Variants in TRMT6 observed in about 807,000 individuals in gnomAD.
TRMT6 encodes tRNA (adenine(58)-N(1))-methyltransferase non-catalytic subunit TRM6.
TRMT6 carries 34 observed loss-of-function variants against 59.0 expected under a neutral mutation model. The observed-to-expected ratio is 0.58, with a 90% CI of 0.44 to 0.77. TRMT6 has a LOEUF of 0.77. Among genes scored for constraint, TRMT6 ranks in the 30% least tolerant of loss-of-function variants. The pLI, the probability that TRMT6 is intolerant of heterozygous loss-of-function variation, is 0.00. For synonymous variants in TRMT6, 217 were observed against 210.5 expected, an observed-to-expected ratio of 1.03 and a Z score of -0.27; for missense variants, 575 against 604.5, an observed-to-expected ratio of 0.95 and a Z score of 0.51.
At chr20:5,945,471 C>A (rs949246464) in intron 2 of TRMT6, among the ~76,000 whole-genome samples, 1 of 152,228 alleles carries the variant, frequency 6.6e-6, no homozygotes, top group Admixed American at 6.5e-5. Context: ...AATTAGTACA[C>A]GCCCCTGCTT....
chr20:5,941,791 T>C (rs1418918577), intron 8 of TRMT6, 160 bp downstream of exon 8: 1 of 667,918 alleles, frequency 1.5e-6, no homozygotes, highest in Non-Finnish European at 2.6e-6. Context: ...TCCCCACCCC[T>C]GCCAGCCTCA....
intron 8 of TRMT6, chr20:5,941,662 C>T: frequency 1.8e-6 from 1 of 546,186 alleles, no homozygotes; most frequent in Non-Finnish European, 3.2e-6. Context: ...CTGTTATAGC[C>T]TGTATCGCAG....
chr20:5,943,778 T>A, intron 5 of TRMT6, 95 bp from the exon 6 acceptor site: 1 of 1,548,700 alleles, frequency 6.5e-7, no homozygotes, highest in Non-Finnish European at 8.7e-7. Context: ...ATTAAAATTG[T>A]GTTGATAAGA....
intron 1 of TRMT6, among the ~76,000 whole-genome samples, chr20:5,948,827 G>A (rs1469383575): frequency 1.3e-5 from 2 of 152,152 alleles, no homozygotes; most frequent in African/African-American, 2.4e-5. Flanking sequence ...TGTGCAAAAA[G>A]CTTGGTTATC....
chr20:5,950,371 G>A lies in TRMT6; in HGVS notation c.35C>T (p.Pro12Leu). The change falls in exon 1 of 11, where the codon CCA (proline) becomes CTA (leucine). Residue 12 changes from proline (P) to leucine (L), a missense_variant. By Grantham distance (98) the Pro-to-Leu change is moderately conservative (BLOSUM62 -3). Coordinates refer to ENST00000203001, the MANE Select transcript of TRMT6 (RefSeq NM_015939.5). ...GATGCGGTGGTCTCCGGGATGCTGT[G>A]GTTGTGGGCCCGGCTGCTCCCCTGA... ...EGSGEQPGPQPQHPGDHRIRD... is the reference protein window; with the variant it reads ...EGSGEQPGPQLQHPGDHRIRD... 8 of 1,609,088 alleles carry A rather than the reference G, an allele frequency of 5.0e-6. No homozygotes were observed. The highest frequency in any genetic ancestry group is 5.9e-6 in the Non-Finnish European group (7 of 1,179,862).
chr20:5,950,457 T>A lies in TRMT6; in HGVS notation c.-52A>T. On this transcript the variant is annotated 5_prime_UTR_variant, in exon 1 of 11. Coordinates refer to ENST00000203001, the MANE Select transcript of TRMT6 (RefSeq NM_015939.5). ...CGGCGTCCCGCCCCTCCTCCTCGGTTGTCGCCACCGCCAGCCTCACTTCCC... is the reference window on the plus strand; with the variant it reads ...CGGCGTCCCGCCCCTCCTCCTCGGTAGTCGCCACCGCCAGCCTCACTTCCC... The A allele has an allele frequency of 1.3e-6, 2 of 1,524,266 alleles. No individual in the cohort carries two copies. Among genetic ancestry groups the A allele is most frequent in the Non-Finnish European group, 8.8e-7 (1 of 1,136,420 alleles). 94.4% of individuals were successfully genotyped at this position (1,524,266 alleles called of 1,614,324 possible).
Position 5,937,755 on chromosome 20 carries a change from A to G in TRMT6, c.*780T>C, listed in dbSNP as rs2088619944. ...GTATGTATATATCTGTGTATATATA[A>G]ATATATGTGTGTATATATACCAACA... is the stretch of plus-strand genomic sequence containing the variant. On this transcript the variant is annotated 3_prime_UTR_variant, in exon 11 of 11. Transcript: ENST00000203001. 1 of 152,196 alleles carries G rather than the reference A, an allele frequency of 6.6e-6. No homozygotes were observed. Among genetic ancestry groups the G allele is most frequent in the African/African-American group, 2.4e-5 (1 of 41,448 alleles). 9.4% of individuals were successfully genotyped at this position (152,196 alleles called of 1,614,324 possible). A position where few individuals can be genotyped will look rare whatever the true frequency, so the allele number is the denominator to read the frequency against.
rs547925116 is a variant in TRMT6, at chr20:5,939,534, T to C, written c.1303-808A>G. Among the ~76,000 whole-genome samples, 3 of 151,818 alleles carry C rather than the reference T, an allele frequency of 2.0e-5. No homozygotes were observed. In the East Asian group the frequency reaches 5.8e-4, roughly 29 times the overall value. Reference sequence around the variant, plus strand: ...AAAAAGAACTGAAGCAGTTTTCAGTTCAGCCCAGGTTTATCTAGAAACTGA... The same window carrying C: ...AAAAAGAACTGAAGCAGTTTTCAGTCCAGCCCAGGTTTATCTAGAAACTGA... On this transcript the variant is annotated intron_variant, in intron 10 of 10. Transcript: ENST00000203001.
chr20:5,941,510 A>C (rs984155446), intron 8 of TRMT6, 165 bp from the exon 9 acceptor site: 38 of 617,494 alleles, frequency 6.2e-5, no homozygotes, highest in Non-Finnish European at 9.3e-5. Flanking sequence ...ATCATGAGCT[A>C]TTTCTTTCTA....
In TRMT6 at chr20:5,938,264, C is replaced by G. The variant is rs1240555762; in HGVS notation, c.*271G>C. 6.1e-6 allele frequency: 2 copies of G among 326,330 alleles called. No individual in the cohort carries two copies. The highest frequency in any genetic ancestry group is 4.2e-5 in the African/African-American group (2 of 47,518). 20.2% of individuals were successfully genotyped at this position (326,330 alleles called of 1,614,324 possible). A position where few individuals can be genotyped will look rare whatever the true frequency, so the allele number is the denominator to read the frequency against. On this transcript the variant is annotated 3_prime_UTR_variant, in exon 11 of 11. Transcript: ENST00000203001. ...CACATTTTTAGGATGTTGAAGTTCT[C>G]AAGATATTTGCACAGAATATTTAGA...
intron 1 of TRMT6, 98 bp downstream of exon 1, chr20:5,950,180 A>T: frequency 7.4e-7 from 1 of 1,347,182 alleles, no homozygotes; most frequent in Non-Finnish European, 1.0e-6. Context: ...AGAGCCAAGA[A>T]TGGCACCCTG....
In TRMT6 at chr20:5,941,338, C is replaced by A; in HGVS notation, c.1120G>T (p.Val374Leu). The A allele has an allele frequency of 6.2e-7, 1 of 1,613,436 alleles. No individual in the cohort carries two copies. Among genetic ancestry groups the A allele is most frequent in the Non-Finnish European group, 8.5e-7 (1 of 1,179,546 alleles). ...GGAGTGGGGTGGAAACGACTAGCTA[C>A]AATTAAACTGTAAGGAAAATGCCAG... Reference protein sequence around the residue: ...LSERNADGLIVASRFHPTPLL... With the variant: ...LSERNADGLILASRFHPTPLL... Residue 374 changes from valine to leucine, a missense_variant, in exon 9 of 11, where the codon GTA (valine) becomes TTA (leucine). Physicochemically the swap from Val to Leu is conservative, Grantham distance 32. Coordinates refer to ENST00000203001, the MANE Select transcript of TRMT6 (RefSeq NM_015939.5).
intron 1 of TRMT6, 139 bp downstream of exon 1, chr20:5,950,139 G>A (rs1159541909): frequency 1.7e-5 from 15 of 857,206 alleles, no homozygotes; most frequent in East Asian, 5.6e-5. Flanking sequence ...AAGACCCGAG[G>A]AGACAACGAG....
Position 5,939,855 on chromosome 20 carries a change from C to G in TRMT6, c.1303-1129G>C, listed in dbSNP as rs76906018. On this transcript the variant is annotated intron_variant, in intron 10 of 10. Coordinates refer to ENST00000203001, the MANE Select transcript of TRMT6 (RefSeq NM_015939.5). ...TCCCCACTACAGTATGGTAAGACAC[C>G]AAGCAATGAGACGGGGCCTACGGCA... is the stretch of plus-strand genomic sequence containing the variant. Among the ~76,000 whole-genome samples, 976 of 152,258 alleles carry G rather than the reference C, an allele frequency of 6.4e-3. 7 individuals are homozygous for G. Among genetic ancestry groups the G allele is most frequent in the Non-Finnish European group, 0.01 (691 of 68,020 alleles).
chr20:5,943,495 T>C, intron 6 of TRMT6, 64 bp downstream of exon 6: 8 of 1,591,276 alleles, frequency 5.0e-6, no homozygotes, highest in Non-Finnish European at 6.8e-6. Flanking sequence ...GAGTTTACAT[T>C]TTTGGACCAC....
intron 3 of TRMT6, 106 bp from the exon 4 acceptor site, chr20:5,944,359 A>G: frequency 1.6e-6 from 1 of 631,814 alleles, no homozygotes; most frequent in South Asian, 2.3e-5. Context: ...TGATTCTCCA[A>G]TCCCTTTTCC....
intron 1 of TRMT6, among the ~76,000 whole-genome samples, chr20:5,947,278 C>A (rs1249261183): frequency 6.6e-6 from 1 of 152,188 alleles, no homozygotes. Flanking sequence ...GACCTAAGGA[C>A]GGTAGAAAGC....
At position 5,950,302 on chromosome 20, in the gene TRMT6, T is replaced by C; in HGVS notation, c.104A>G (p.Lys35Arg). The C allele has an allele frequency of 6.2e-7, 1 of 1,613,764 alleles. No homozygotes were observed. Among genetic ancestry groups the C allele is most frequent in the Non-Finnish European group, 8.5e-7 (1 of 1,179,870 alleles). Residue 35 changes from lysine (K) to arginine (R), a missense_variant, in exon 1 of 11, where the codon AAA becomes AGA. Lys to Arg is a conservative substitution (Grantham distance 26, BLOSUM62 2). Transcript: ENST00000203001. ...CTTTCTCCGCTGGACTTGTACTGCTTTAAACACATCTTCACGTTTCAGCAC... is the reference window on the plus strand; with the variant it reads ...CTTTCTCCGCTGGACTTGTACTGCTCTAAACACATCTTCACGTTTCAGCAC... ...FVVLKREDVF[K>R]AVQVQRRKKV...
At chr20:5,944,656 G>A in intron 3 of TRMT6, 149 bp downstream of exon 3, 1 of 607,200 alleles carries the variant, frequency 1.6e-6, no homozygotes, top group South Asian at 2.1e-5. Flanking sequence ...TCTTTGAAAT[G>A]TTGAGTAACA....
Sources: gnomAD v4.1 joint callset for allele counts (sites outside exome capture counted in the v4.1 genomes callset) on GRCh38, gnomAD v4.1.1 for gene constraint, MANE v1.5 for transcripts, NCBI Gene and HGNC (gene_info 2026-07-23, HGNC 2026-07-21) for gene names.